ERG: variants seen among roughly 807,000 people sequenced by gnomAD.
ERG encodes ETS transcription factor ERG.
ERG carries 9 observed loss-of-function variants against 55.3 expected under a neutral mutation model. The observed-to-expected ratio is 0.16, with a 90% CI of 0.10 to 0.28. The LOEUF (loss-of-function observed/expected upper bound fraction) is 0.28. Ranked by LOEUF, ERG falls within the 10% of genes least tolerant of loss-of-function variation. The pLI is 1.00. For missense variants in ERG, 434 were observed against 631.6 expected (o/e 0.69, Z 3.35); for synonymous variants, 223 against 237.3 (o/e 0.94, Z 0.55).
upstream of ERG, among the ~76,000 whole-genome samples, chr21:38,585,345 C>G (rs2060055646): frequency 6.6e-6 from 1 of 151,974 alleles, no homozygotes; most frequent in Non-Finnish European, 1.5e-5. Context: ...AGAAAACATC[C>G]CGAGAACTGT....
intron 9 of ERG, among the ~76,000 whole-genome samples, chr21:38,388,155 G>C (rs1427911143): frequency 6.6e-6 from 1 of 152,198 alleles, no homozygotes; most frequent in Non-Finnish European, 1.5e-5. Flanking sequence ...CCATTGAAGA[G>C]TATCCAGTTA....
chr21:38,638,134 G>A lies in ERG; in HGVS notation c.-150+23524C>T, dbSNP rs2060401611. On this transcript the variant is annotated intron_variant, in intron 1 of 10. Coordinates refer to the ERG transcript ENST00000398910. ...TTTGTGAAACTCCTCCGATCTGGGT[G>A]CGCCAGTCCGGGTGCAATGTCCAGC... 2.0e-5 allele frequency among the ~76,000 whole-genome samples: 3 copies of A among 152,228 alleles called. No homozygotes were observed. In the South Asian group the frequency reaches 6.2e-4, roughly 31 times the overall value.
intron 1 of ERG, among the ~76,000 whole-genome samples, chr21:38,466,300 G>GGTATGTGTGTGTGT (rs1555903686): frequency 4.3e-5 from 6 of 140,684 alleles, no homozygotes; most frequent in Non-Finnish European, 6.1e-5. Context: ...GATGGTCTGG[G>GGTATGTGTGTGTGT]GTGTGTGTGT....
chr21:38,604,013 C>T (rs1246514301), intron 1 of ERG, among the ~76,000 whole-genome samples: 3 of 152,086 alleles, frequency 2.0e-5, no homozygotes, highest in East Asian at 1.9e-4. Flanking sequence ...CTTCAGGGGG[C>T]CGAGGCGGGC....
intron 2 of ERG, among the ~76,000 whole-genome samples, chr21:38,548,358 T>C (rs1248332679): frequency 6.6e-6 from 1 of 152,144 alleles, no homozygotes; most frequent in Non-Finnish European, 1.5e-5. Context: ...TTTAAAATTA[T>C]GTTCTAAAAA....
intron 5 of ERG, 68 bp from the exon 6 acceptor site, chr21:38,400,713 C>T (rs1161292736): frequency 8.2e-7 from 1 of 1,226,570 alleles, no homozygotes; most frequent in Non-Finnish European, 1.2e-6. Context: ...AACATCAGCG[C>T]CAAATCTACT....
chr21:38,590,566 G>GGTCATCCA (rs1179741270), intron 1 of ERG, among the ~76,000 whole-genome samples: 1 of 96,048 alleles, frequency 1.0e-5, no homozygotes, highest in Non-Finnish European at 2.3e-5. Flanking sequence ...TCATACAATT[G>GGTCATCCA]TTCATCCATC....
At chr21:38,436,436 G>A (rs915466333) in intron 2 of ERG, among the ~76,000 whole-genome samples, 8 of 152,154 alleles carry the variant, frequency 5.3e-5, no homozygotes, top group South Asian at 2.1e-4. Flanking sequence ...TGTCTGACAC[G>A]TGGAGAGAAC....
At chr21:38,507,259 G>A (rs909065224) in intron 2 of ERG, among the ~76,000 whole-genome samples, 2 of 152,178 alleles carry the variant, frequency 1.3e-5, no homozygotes, top group African/African-American at 2.4e-5. Flanking sequence ...ATATTTCTCC[G>A]AAGGGAAGAG....
intron 1 of ERG, among the ~76,000 whole-genome samples, chr21:38,652,015 C>A (rs2060491453): frequency 6.6e-6 from 1 of 152,208 alleles, no homozygotes; most frequent in Non-Finnish European, 1.5e-5. Context: ...ATGTCACCTG[C>A]CACCTTCCAC....
intron 1 of ERG, among the ~76,000 whole-genome samples, chr21:38,465,954 G>C (rs1383596377): frequency 6.6e-6 from 1 of 152,126 alleles, no homozygotes; most frequent in Admixed American, 6.5e-5. Flanking sequence ...GCTGGAATGG[G>C]GAGGAGCTAA....
At chr21:38,544,153 G>A (rs753801937) in intron 2 of ERG, among the ~76,000 whole-genome samples, 9 of 152,306 alleles carry the variant, frequency 5.9e-5, no homozygotes, top group African/African-American at 1.4e-4. Context: ...TCCGGATTGC[G>A]GGAGCAGCAA....
chr21:38,550,404 AC>A lies in ERG; in HGVS notation c.-41+25257del, dbSNP rs377493330. 3.6e-3 allele frequency among the ~76,000 whole-genome samples: 550 copies of A among 152,220 alleles called. 5 individuals carry two copies. The highest frequency in any genetic ancestry group is 0.012 in the African/African-American group (515 of 41,536). On this transcript the variant is annotated intron_variant, in intron 2 of 8. Coordinates refer to the ERG transcript ENST00000398897. The stretch of plus-strand genomic sequence containing the variant: ...CCAAAATTCATGGGTTTAAATCCTT[AC>A]CCCCAAGGTAGCAGTATGAGGAGGA...
intron 1 of ERG, among the ~76,000 whole-genome samples, chr21:38,648,336 G>A (rs1018973973): frequency 5.9e-5 from 9 of 152,160 alleles, no homozygotes; most frequent in Non-Finnish European, 8.8e-5. Context: ...ATGTTGTCCT[G>A]ACCAGTGCCG....
intron 1 of ERG, among the ~76,000 whole-genome samples, chr21:38,490,375 C>T (rs1391213273): frequency 6.6e-6 from 1 of 152,142 alleles, no homozygotes; most frequent in Non-Finnish European, 1.5e-5. Context: ...CTTATGTGTG[C>T]CATATACAGT....
At chr21:38,651,272 C>G (rs2060487250) in intron 1 of ERG, among the ~76,000 whole-genome samples, 1 of 152,158 alleles carries the variant, frequency 6.6e-6, no homozygotes, top group Non-Finnish European at 1.5e-5. Context: ...TATCTGGTTC[C>G]TTAGTGACAT....
intron 2 of ERG, among the ~76,000 whole-genome samples, chr21:38,542,676 A>AT (rs1373499579): frequency 2.6e-4 from 39 of 152,328 alleles, no homozygotes; most frequent in African/African-American, 8.9e-4. Flanking sequence ...AACGAAATGC[A>AT]TTTTCACTCT....
chr21:38,644,657 A>T (rs2146975626), intron 1 of ERG, among the ~76,000 whole-genome samples: 1 of 152,364 alleles, frequency 6.6e-6, no homozygotes, highest in African/African-American at 2.4e-5. Flanking sequence ...CAAGGTTATC[A>T]CAATATTTAC....
At chr21:38,387,560 A>G (rs1987755958) in intron 9 of ERG, among the ~76,000 whole-genome samples, 1 of 152,184 alleles carries the variant, frequency 6.6e-6, no homozygotes, top group East Asian at 1.9e-4. Context: ...TGGTAATAGT[A>G]CTATCTTGCA....
Sources: gnomAD v4.1 joint callset for allele counts (sites outside exome capture counted in the v4.1 genomes callset) on GRCh38, gnomAD v4.1.1 for gene constraint, MANE v1.5 for transcripts, NCBI Gene and HGNC (gene_info 2026-07-23, HGNC 2026-07-21) for gene names.